Variants in IL1RAPL1 observed in about 807,000 individuals in gnomAD.
IL1RAPL1 encodes the protein interleukin 1 receptor accessory protein like 1.
A neutral mutation model predicts 48.4 loss-of-function variants in IL1RAPL1; 3 were observed. The ratio of observed to expected loss-of-function variants is 0.06; its 90% CI spans 0.03 to 0.16. The LOEUF (loss-of-function observed/expected upper bound fraction) is 0.16, where lower values mean the gene tolerates loss of function less well. Ranked by LOEUF, IL1RAPL1 falls within the 10% of genes least tolerant of loss-of-function variation. The probability of loss-of-function intolerance (pLI) is 1.00; values close to 1 mark genes in which losing one functional copy is unlikely to be tolerated. For synonymous variants in IL1RAPL1, 185 were observed against 187.7 expected (o/e 0.99, Z 0.12); for missense variants, 349 against 530.6 (o/e 0.66, Z 3.36).
At chrX:29,245,987 C>A (rs2147569454) in intron 2 of IL1RAPL1, among the ~76,000 whole-genome samples, 1 of 110,689 alleles carries the variant, frequency 9.0e-6, no homozygotes, top group African/African-American at 3.3e-5. Flanking sequence ...TCTTCAAAGG[C>A]ATACTTTCTG....
intron 2 of IL1RAPL1, among the ~76,000 whole-genome samples, chrX:29,038,125 CT>C (rs2052019142): frequency 9.0e-6 from 1 of 111,356 alleles, no homozygotes; most frequent in Non-Finnish European, 1.9e-5. Flanking sequence ...GGTTTAGGTA[CT>C]TTGAGACTTC....
chrX:29,282,483 C>T (rs374792595), intron 2 of IL1RAPL1, among the ~76,000 whole-genome samples: 9 of 111,979 alleles, frequency 8.0e-5, no homozygotes, highest in Admixed American at 2.8e-4. Flanking sequence ...AAGGCTTGCA[C>T]GCTGTAAGAG....
rs181088799 is a variant in IL1RAPL1, at chrX:29,862,710, G to A, written c.779-54754G>A. 2.7e-5 allele frequency among the ~76,000 whole-genome samples: 3 copies of A among 110,103 alleles called. No homozygotes were observed. In the East Asian group the frequency reaches 8.5e-4, roughly 31 times the overall value. On this transcript the variant is annotated intron_variant, in intron 6 of 10. Transcript: ENST00000378993. ...TTTGCATCTTATTGGAAATACAAATGGCTTCTTAAGAAGTAGGAACAATAG... is the reference window on the plus strand; with the variant it reads ...TTTGCATCTTATTGGAAATACAAATAGCTTCTTAAGAAGTAGGAACAATAG...
chrX:28,822,635 T>C (rs1344317665), intron 2 of IL1RAPL1, among the ~76,000 whole-genome samples: 2 of 111,760 alleles, frequency 1.8e-5, no homozygotes, highest in African/African-American at 6.5e-5. Flanking sequence ...TCTTATTAAT[T>C]CAGGAGGGGA....
At chrX:28,679,202 C>G (rs1292507000) in intron 1 of IL1RAPL1, among the ~76,000 whole-genome samples, 1 of 112,003 alleles carries the variant, frequency 8.9e-6, no homozygotes, top group Non-Finnish European at 1.9e-5. Context: ...TGTTGAGCAA[C>G]TTTTCATATT....
intron 3 of IL1RAPL1, among the ~76,000 whole-genome samples, chrX:29,328,033 G>A (rs993266482): frequency 8.9e-6 from 1 of 111,762 alleles, no homozygotes; most frequent in Non-Finnish European, 1.9e-5. Flanking sequence ...CTTTTTCATA[G>A]CAGGTGCTTC....
chrX:29,416,035 G>GA (rs1044634442), intron 5 of IL1RAPL1, among the ~76,000 whole-genome samples: 3 of 110,872 alleles, frequency 2.7e-5, no homozygotes, highest in Non-Finnish European at 5.7e-5. Context: ...GCAAGATTAA[G>GA]AAAAAAAATA....
chrX:29,109,940 T>C (rs1928527486), intron 2 of IL1RAPL1, among the ~76,000 whole-genome samples: 1 of 111,988 alleles, frequency 8.9e-6, no homozygotes. Context: ...TTTTATCCTT[T>C]TAACGTTTCA....
intron 5 of IL1RAPL1, among the ~76,000 whole-genome samples, chrX:29,474,239 T>C (rs1268305528): frequency 8.9e-6 from 1 of 112,128 alleles, no homozygotes; most frequent in Non-Finnish European, 1.9e-5. Flanking sequence ...TGAACCTATG[T>C]GTGTTGGCTA....
intron 5 of IL1RAPL1, among the ~76,000 whole-genome samples, chrX:29,444,916 A>G (rs1292709107): frequency 1.8e-5 from 2 of 112,138 alleles, no homozygotes; most frequent in Non-Finnish European, 3.8e-5. Flanking sequence ...CTGATGTGAA[A>G]GAACCCACTT....
chrX:28,659,690 ATAATT>A (rs1480503014), intron 1 of IL1RAPL1, among the ~76,000 whole-genome samples: 1 of 111,642 alleles, frequency 9.0e-6, no homozygotes, highest in East Asian at 2.8e-4. Context: ...TTGTGTAAAG[ATAATT>A]TAAAGCATTA....
intron 5 of IL1RAPL1, among the ~76,000 whole-genome samples, chrX:29,468,052 G>C (rs1312994316): frequency 9.0e-6 from 1 of 110,767 alleles, no homozygotes; most frequent in African/African-American, 3.3e-5. Context: ...TTAGAGACAG[G>C]GTTTCACTAT....
At chrX:29,201,896 T>A (rs1930564623) in intron 2 of IL1RAPL1, among the ~76,000 whole-genome samples, 1 of 111,911 alleles carries the variant, frequency 8.9e-6, no homozygotes, top group Admixed American at 9.5e-5. Context: ...GATTTCTCCA[T>A]GTTGGTCAGG....
intron 3 of IL1RAPL1, among the ~76,000 whole-genome samples, chrX:29,366,443 A>G (rs1055053603): frequency 6.3e-5 from 7 of 110,943 alleles, no homozygotes; most frequent in African/African-American, 2.3e-4. Flanking sequence ...GATGATTACC[A>G]GCCATCCACA....
chrX:28,704,428 AC>A (rs1935341250), intron 1 of IL1RAPL1, among the ~76,000 whole-genome samples: 1 of 95,698 alleles, frequency 1.0e-5, no homozygotes, highest in Admixed American at 1.1e-4. Flanking sequence ...ACAAACACAC[AC>A]ACACACACAC....
intron 6 of IL1RAPL1, among the ~76,000 whole-genome samples, chrX:29,706,106 G>C (rs1466680701): frequency 9.0e-6 from 1 of 111,193 alleles, no homozygotes; most frequent in Non-Finnish European, 1.9e-5. Context: ...AAAACCATCG[G>C]ATCTTGTGAG....
At chrX:28,614,352 A>G (rs1315155060) in intron 1 of IL1RAPL1, among the ~76,000 whole-genome samples, 1 of 111,752 alleles carries the variant, frequency 8.9e-6, no homozygotes, top group East Asian at 2.8e-4. Flanking sequence ...GGAACTAAAG[A>G]GAGCACACAC....
intron 5 of IL1RAPL1, among the ~76,000 whole-genome samples, chrX:29,593,144 C>G (rs1923435126): frequency 9.0e-6 from 1 of 111,299 alleles, no homozygotes; most frequent in Non-Finnish European, 1.9e-5. Flanking sequence ...TCAGATGGGC[C>G]CTGCTTGGTT....
At chrX:28,695,718 A>G (rs1208895952) in intron 1 of IL1RAPL1, among the ~76,000 whole-genome samples, 1 of 112,056 alleles carries the variant, frequency 8.9e-6, no homozygotes, top group Non-Finnish European at 1.9e-5. Flanking sequence ...TATCTACTGT[A>G]TACTAGCAAT....
Sources: gnomAD v4.1 joint callset for allele counts (sites outside exome capture counted in the v4.1 genomes callset) on GRCh38, gnomAD v4.1.1 for gene constraint, MANE v1.5 for transcripts, NCBI Gene and HGNC (gene_info 2026-07-23, HGNC 2026-07-21) for gene names.